TENT4A: variants seen among roughly 807,000 people sequenced by gnomAD.
The protein encoded by TENT4A is terminal nucleotidyltransferase 4A.
In TENT4A, 7 loss-of-function variants were observed where a neutral mutation model predicts 72.8. That is an observed-to-expected ratio of 0.10 (90% confidence interval 0.05 to 0.18). TENT4A has a LOEUF of 0.18. TENT4A is among the 10% of genes least tolerant of loss of function. TENT4A has a pLI of 1.00. For synonymous variants in TENT4A, 456 were observed against 434.3 expected (o/e 1.05, Z -0.62); for missense variants, 831 against 1,017.7 (o/e 0.82, Z 2.50).
At chr5:6,750,180 T>G in intron 9 of TENT4A, 151 bp from the exon 10 acceptor site, 1 of 488,216 alleles carries the variant, frequency 2.0e-6, no homozygotes, top group Non-Finnish European at 3.5e-6. Flanking sequence ...TGAATGTAAT[T>G]TTTAAAATTA....
At chr5:6,722,987 T>C (rs1386951272) in intron 1 of TENT4A, among the ~76,000 whole-genome samples, 2 of 152,236 alleles carry the variant, frequency 1.3e-5, no homozygotes, top group Non-Finnish European at 2.9e-5. Flanking sequence ...TTATTTACTT[T>C]TAATTAAAAT....
At chr5:6,743,392 T>C (rs1741924069) in intron 5 of TENT4A, among the ~76,000 whole-genome samples, 1 of 152,160 alleles carries the variant, frequency 6.6e-6, no homozygotes, top group African/African-American at 2.4e-5. Flanking sequence ...TCATGGCCTG[T>C]GTAGCAAGCA....
intron 1 of TENT4A, 78 bp downstream of exon 1, chr5:6,714,777 C>T: frequency 1.2e-6 from 1 of 814,804 alleles, no homozygotes; most frequent in Non-Finnish European, 1.6e-6. Flanking sequence ...GACACCCGTC[C>T]CAGGCGCCCG....
At chr5:6,735,038 C>T (rs1484816050) in intron 1 of TENT4A, among the ~76,000 whole-genome samples, 3 of 152,184 alleles carry the variant, frequency 2.0e-5, no homozygotes, top group African/African-American at 7.2e-5. Flanking sequence ...TTGATGTTGC[C>T]GTTACTTCAG....
rs1228512945 is a variant in TENT4A, at chr5:6,745,452, AG to A, written c.1246-758del. On this transcript the variant is annotated intron_variant, in intron 6 of 12. Coordinates refer to ENST00000230859, the MANE Select transcript of TENT4A (RefSeq NM_006999.6). ...ATGGCCACTTCTGCATGGTCCGGCA[AG>A]GGGCAGGGCGCCACATGTGGCTACT... Among the ~76,000 whole-genome samples the A allele has an allele frequency of 2.0e-5, 3 of 152,290 alleles. No homozygotes were observed. In the East Asian group the frequency reaches 5.8e-4, roughly 29 times the overall value.
In TENT4A at chr5:6,713,519, G is replaced by A; in HGVS notation, c.-465G>A. 6.7e-6 allele frequency: 1 copy of A among 149,082 alleles called. No individual in the cohort carries two copies. Among genetic ancestry groups the A allele is most frequent in the South Asian group, 1.9e-4 (1 of 5,232 alleles). The allele number at this position is 149,082 out of a possible 1,614,324, so 9.2% of individuals were successfully genotyped here. ...AGCGCCGAGCCAGCGGCGCGAGCGTGACTGAGGGCTAGCCGCACGGGCGGC... is the reference window on the plus strand; with the variant it reads ...AGCGCCGAGCCAGCGGCGCGAGCGTAACTGAGGGCTAGCCGCACGGGCGGC... On this transcript the variant is annotated 5_prime_UTR_variant, in exon 1 of 13. Coordinates refer to ENST00000230859, the MANE Select transcript of TENT4A (RefSeq NM_006999.6).
chr5:6,726,039 C>G lies in TENT4A; in HGVS notation c.716+11340C>G, dbSNP rs538487318. 7.2e-5 allele frequency among the ~76,000 whole-genome samples: 11 copies of G among 152,224 alleles called. No individual in the cohort carries two copies. The Middle Eastern group carries it at 0.01, about 141-fold the overall frequency. ...TGGGCTGTGTAGGTTGGAGGCTCAG[C>G]CTTTGTTTCTCCCTCCTCTGGTGCC... On this transcript the variant is annotated intron_variant, in intron 1 of 12. Transcript: ENST00000230859.
chr5:6,738,063 G>A (rs543235683), intron 2 of TENT4A, among the ~76,000 whole-genome samples: 1 of 152,262 alleles, frequency 6.6e-6, no homozygotes, highest in South Asian at 2.1e-4. Context: ...AAACTTGGAA[G>A]TGTTCCCTCA....
At chr5:6,728,123 C>T (rs1172776151) in intron 1 of TENT4A, among the ~76,000 whole-genome samples, 1 of 152,134 alleles carries the variant, frequency 6.6e-6, no homozygotes, top group Non-Finnish European at 1.5e-5. Context: ...AGAGCTGCAG[C>T]TGCTGCCTGG....
chr5:6,730,617 T>C (rs151200287), intron 1 of TENT4A, among the ~76,000 whole-genome samples: 43 of 152,246 alleles, frequency 2.8e-4, no homozygotes, highest in African/African-American at 7.9e-4. Flanking sequence ...TGTAGAAAGA[T>C]AGGCACATCG....
intron 1 of TENT4A, chr5:6,715,053 G>A (rs957990889): frequency 2.4e-5 from 4 of 163,828 alleles, no homozygotes; most frequent in African/African-American, 9.5e-5. Flanking sequence ...GTAGATAAGT[G>A]TGGAGTTTCA....
At chr5:6,739,914 C>A in intron 4 of TENT4A, 62 bp downstream of exon 4, 1 of 1,528,834 alleles carries the variant, frequency 6.5e-7, no homozygotes, top group Non-Finnish European at 9.0e-7. Context: ...CAGGTGGTCA[C>A]AGGATACGCC....
At chr5:6,750,308 A>G in intron 9 of TENT4A, 23 bp from the exon 10 acceptor site, 3 of 1,594,582 alleles carry the variant, frequency 1.9e-6, no homozygotes, top group Non-Finnish European at 2.6e-6. Context: ...GGAGTTATTA[A>G]CCAAGGCTTT....
intron 3 of TENT4A, 109 bp from the exon 4 acceptor site, chr5:6,739,623 G>C: frequency 7.5e-7 from 1 of 1,333,854 alleles, no homozygotes; most frequent in Non-Finnish European, 1.0e-6. Context: ...ATTGTGTCTT[G>C]GCCTTTGTGG....
Position 6,755,109 on chromosome 5 carries a change from T to C in TENT4A, c.*164T>C. 3.7e-6 allele frequency: 2 copies of C among 535,370 alleles called. No individual in the cohort carries two copies. Among genetic ancestry groups the C allele is most frequent in the Non-Finnish European group, 6.4e-6 (2 of 310,486 alleles). The allele number at this position is 535,370 out of a possible 1,614,324, so 33.2% of individuals were successfully genotyped here. A position where few individuals can be genotyped will look rare whatever the true frequency, so the allele number is the denominator to read the frequency against. ...TCTTCGTGTGGTGGTCGCGTCCATCTTCAAGAACAGCTCGTTGTGCTCATC... is the reference window on the plus strand; with the variant it reads ...TCTTCGTGTGGTGGTCGCGTCCATCCTCAAGAACAGCTCGTTGTGCTCATC... On this transcript the variant is annotated 3_prime_UTR_variant, in exon 13 of 13. Coordinates refer to ENST00000230859, the MANE Select transcript of TENT4A (RefSeq NM_006999.6).
rs1742698722 is a variant in TENT4A at position 6,756,335 on chromosome 5, T to A, written c.*1390T>A. On this transcript the variant is annotated 3_prime_UTR_variant, in exon 13 of 13. Coordinates refer to ENST00000230859, the MANE Select transcript of TENT4A (RefSeq NM_006999.6). ...GGTTGCATCTTGTAGGCCATCTGAC[T>A]TCCTGTTTTTAAAACGGGGGTCTGG... 6.6e-6 allele frequency: 1 copy of A among 152,616 alleles called. No individual in the cohort carries two copies. Among genetic ancestry groups the A allele is most frequent in the Admixed American group, 6.5e-5 (1 of 15,268 alleles). 9.5% of individuals were successfully genotyped at this position (152,616 alleles called of 1,614,324 possible).
chr5:6,743,532 C>G (rs535635314), intron 5 of TENT4A, among the ~76,000 whole-genome samples, 180 bp from the exon 6 acceptor site: 2 of 152,250 alleles, frequency 1.3e-5, no homozygotes, highest in Non-Finnish European at 2.9e-5. Context: ...TTTCACAAGC[C>G]CCTCAGGAAA....
At chr5:6,752,139 A>G (rs910841700) in intron 11 of TENT4A, among the ~76,000 whole-genome samples, 11 of 152,196 alleles carry the variant, frequency 7.2e-5, no homozygotes, top group African/African-American at 2.4e-4. Flanking sequence ...CGTCCTGGCC[A>G]TGTGTCACAA....
At chr5:6,752,738 A>G (rs909812775) in intron 11 of TENT4A, 135 bp from the exon 12 acceptor site, 61 of 673,722 alleles carry the variant, frequency 9.1e-5, no homozygotes, top group Non-Finnish European at 1.4e-4. Flanking sequence ...GGTAATAGTA[A>G]AACAGACTGC....
Sources: gnomAD v4.1 joint callset for allele counts (sites outside exome capture counted in the v4.1 genomes callset) on GRCh38, gnomAD v4.1.1 for gene constraint, MANE v1.5 for transcripts, NCBI Gene and HGNC (gene_info 2026-07-23, HGNC 2026-07-21) for gene names.